Variants in CYSLTR2 observed in about 807,000 individuals in gnomAD.
CYSLTR2 encodes the protein cysteinyl leukotriene receptor 2, also known as G-protein coupled receptor GPCR21.
For synonymous variants in CYSLTR2, 179 were observed against 160.8 expected, an observed-to-expected ratio of 1.11 and a Z score of -0.86; for missense variants, 398 against 411.9, an observed-to-expected ratio of 0.97 and a Z score of 0.29.
chr13:48,694,879 G>A (rs1954126880), intron 3 of CYSLTR2: 1 of 152,040 alleles, frequency 6.6e-6, no homozygotes, highest in Non-Finnish European at 1.5e-5. Context: ...AAGCACCACT[G>A]AGCAGTTTGT....
At chr13:48,705,343 G>T (rs898655466) in intron 4 of CYSLTR2, among the ~76,000 whole-genome samples, 1 of 151,918 alleles carries the variant, frequency 6.6e-6, no homozygotes, top group Non-Finnish European at 1.5e-5. Context: ...ACATAATTCG[G>T]TCATTTAAAA....
chr13:48,666,427 C>G (rs117167380), intron 1 of CYSLTR2, among the ~76,000 whole-genome samples: 2 of 152,130 alleles, frequency 1.3e-5, no homozygotes, highest in Non-Finnish European at 2.9e-5. Context: ...CTTCTTGGAC[C>G]TGGATGCCCA....
chr13:48,664,595 C>T lies in CYSLTR2; in HGVS notation c.-266+10578C>T, dbSNP rs546575338. On this transcript the variant is annotated intron_variant, in intron 1 of 4. Transcript: ENST00000682523. ...GAATTTACCCATTTCCTGTAGGTTT[C>T]AAATATATTGGCATATAATTGTTCA... Among the ~76,000 whole-genome samples the T allele has an allele frequency of 1.6e-4, 24 of 151,968 alleles. No individual in the cohort carries two copies. The South Asian group carries it at 4.6e-3, about 29-fold the overall frequency.
chr13:48,666,049 A>G (rs1953253449), intron 1 of CYSLTR2, among the ~76,000 whole-genome samples: 1 of 152,142 alleles, frequency 6.6e-6, no homozygotes, highest in South Asian at 2.1e-4. Context: ...TTTCACTTCC[A>G]GATATGACTC....
At chr13:48,662,545 C>A (rs1953156453) in intron 1 of CYSLTR2, among the ~76,000 whole-genome samples, 3 of 152,136 alleles carry the variant, frequency 2.0e-5, no homozygotes, top group Admixed American at 2.0e-4. Flanking sequence ...TAATAGCCAT[C>A]CTAACTGGGG....
intron 4 of CYSLTR2, among the ~76,000 whole-genome samples, chr13:48,699,173 T>C (rs1432776893): frequency 1.3e-5 from 2 of 152,214 alleles, no homozygotes; most frequent in African/African-American, 4.8e-5. Flanking sequence ...AAAGTGAACC[T>C]AATAGACATC....
chr13:48,706,257 A>G lies in CYSLTR2; in HGVS notation c.-1-560A>G, dbSNP rs117518512. Among the ~76,000 whole-genome samples the G allele has an allele frequency of 8.4e-3, 1,280 of 152,158 alleles. 12 individuals are homozygous for G. The highest frequency in any genetic ancestry group is 0.014 in the Non-Finnish European group (976 of 67,994). ...GTGATCTGCCAGCCTCAGCTTCCCA[A>G]ACTGCTGGGATTACGGGCGTGAGCC... On this transcript the variant is annotated intron_variant, in intron 4 of 4. Transcript: ENST00000682523.
At chr13:48,686,234 TAAC>T (rs1371226682) in intron 1 of CYSLTR2, among the ~76,000 whole-genome samples, 1 of 152,228 alleles carries the variant, frequency 6.6e-6, no homozygotes, top group Non-Finnish European at 1.5e-5. Flanking sequence ...TAGGTTAAAT[TAAC>T]TACTGCTTTA....
intron 4 of CYSLTR2, among the ~76,000 whole-genome samples, chr13:48,704,802 G>T (rs1395270782): frequency 6.6e-6 from 1 of 152,086 alleles, no homozygotes; most frequent in African/African-American, 2.4e-5. Flanking sequence ...TGTAGTTAGA[G>T]AACACATTCT....
intron 1 of CYSLTR2, among the ~76,000 whole-genome samples, chr13:48,685,976 C>T (rs1201570897): frequency 6.6e-6 from 1 of 152,190 alleles, no homozygotes; most frequent in Non-Finnish European, 1.5e-5. Flanking sequence ...CGTATTAGAG[C>T]TTGCCATGTT....
At chr13:48,659,133 A>C (rs1045326384) in intron 1 of CYSLTR2, among the ~76,000 whole-genome samples, 5 of 152,052 alleles carry the variant, frequency 3.3e-5, no homozygotes, top group Admixed American at 3.3e-4. Context: ...ACTGGGCAGC[A>C]GGACAAGCAG....
At position 48,708,869 on chromosome 13, in the gene CYSLTR2, T is replaced by G. The variant is rs1279806309; in HGVS notation, c.*1011T>G. 2 of 167,036 alleles carry G rather than the reference T, an allele frequency of 1.2e-5. No individual in the cohort carries two copies. The highest frequency in any genetic ancestry group is 4.8e-5 in the African/African-American group (2 of 41,442). 10.3% of individuals were successfully genotyped at this position (167,036 alleles called of 1,614,324 possible). A position where few individuals can be genotyped will look rare whatever the true frequency, so the allele number is the denominator to read the frequency against. On this transcript the variant is annotated 3_prime_UTR_variant, in exon 5 of 5. Transcript: ENST00000682523. ...TGAGATAGTGTAGAAAAACACTAGA[T>G]AGTGTGAGAGGTTCCTTTCTGTCCA...
chr13:48,675,653 G>T (rs1034484458), intron 1 of CYSLTR2, among the ~76,000 whole-genome samples: 2 of 152,140 alleles, frequency 1.3e-5, no homozygotes, highest in Non-Finnish European at 2.9e-5. Context: ...CCAGAAAAGT[G>T]AATGGTTCTG....
chr13:48,699,567 G>A (rs1350970715), intron 4 of CYSLTR2, among the ~76,000 whole-genome samples: 1 of 152,134 alleles, frequency 6.6e-6, no homozygotes, highest in African/African-American at 2.4e-5. Flanking sequence ...GAGAAGGCAG[G>A]AAAGATCTAA....
chr13:48,675,946 C>T (rs753053208), intron 1 of CYSLTR2, among the ~76,000 whole-genome samples: 44 of 152,224 alleles, frequency 2.9e-4, no homozygotes, highest in Admixed American at 5.9e-4. Flanking sequence ...CGATACCCCA[C>T]TCTGCTTCTG....
At position 48,707,581 on chromosome 13, in the gene CYSLTR2, T is replaced by A; in HGVS notation, c.764T>A (p.Ile255Asn). 1 of 1,609,666 alleles carries A rather than the reference T, an allele frequency of 6.2e-7. No homozygotes were observed. ...ACCACCATCATCATCACCTTGATCA[T>A]CTTCTTCTTGTGTTTCCTGCCCTAT... is the stretch of plus-strand genomic sequence containing the variant. ...ALTTIIITLI[I>N]FFLCFLPYHT... Residue 255 changes from isoleucine (I) to asparagine (N), a missense_variant, in exon 5 of 5, where the codon ATC (isoleucine) becomes AAC (asparagine). Physicochemically the swap from Ile to Asn is moderately radical, Grantham distance 149. Coordinates refer to ENST00000682523, the MANE Select transcript of CYSLTR2 (RefSeq NM_001308476.3).
intron 1 of CYSLTR2, among the ~76,000 whole-genome samples, chr13:48,661,098 TTTAAA>T (rs1208656488): frequency 6.6e-6 from 1 of 152,120 alleles, no homozygotes; most frequent in African/African-American, 2.4e-5. Flanking sequence ...TATTTATTTA[TTTAAA>T]TTAATCTTTT....
At chr13:48,691,449 G>A (rs1039799223) in intron 2 of CYSLTR2, 148 bp downstream of exon 2, 1 of 152,140 alleles carries the variant, frequency 6.6e-6, no homozygotes, top group South Asian at 2.1e-4. Flanking sequence ...TTTGAGTTAC[G>A]TCTATCAATA....
chr13:48,694,614 A>G (rs1403186978), intron 3 of CYSLTR2: 1 of 152,212 alleles, frequency 6.6e-6, no homozygotes, highest in Non-Finnish European at 1.5e-5. Flanking sequence ...GTACTTGCTT[A>G]AGGCAGCAAG....
Sources: allele counts gnomAD v4.1 joint callset (sites outside exome capture counted in the v4.1 genomes callset), GRCh38; gene constraint gnomAD v4.1.1; transcripts MANE v1.5; gene names NCBI Gene and HGNC (gene_info 2026-07-23, HGNC 2026-07-21).